Variants in GLP2R observed in about 807,000 individuals in gnomAD.
The protein encoded by GLP2R is glucagon like peptide 2 receptor.
Under a neutral mutation model 68.2 loss-of-function variants are expected in GLP2R, and 59 were observed. The ratio of observed to expected loss-of-function variants is 0.87; its 90% CI spans 0.70 to 1.07. The LOEUF (loss-of-function observed/expected upper bound fraction) is 1.07, where lower values mean the gene tolerates loss of function less well. GLP2R is among the 50% of genes least tolerant of loss of function. The pLI, the probability that GLP2R is intolerant of heterozygous loss-of-function variation, is 0.00. For missense variants in GLP2R, 548 were observed against 677.4 expected (o/e 0.81, Z 2.12); for synonymous variants, 270 against 265.4 (o/e 1.02, Z -0.17).
At chr17:9,871,721 C>CTTTTTTTTTTTTTTTTTTT (rs372099240) in intron 10 of GLP2R, among the ~76,000 whole-genome samples, 1 of 102,312 alleles carries the variant, frequency 9.8e-6, no homozygotes, top group African/African-American at 4.0e-5. Context: ...TACTTTCTTT[C>CTTTTTTTTTTTTTTTTTTT]TTTTTTTTTT....
intron 5 of GLP2R, among the ~76,000 whole-genome samples, chr17:9,856,917 G>A (rs963190203): frequency 3.9e-5 from 6 of 152,090 alleles, no homozygotes; most frequent in Non-Finnish European, 1.5e-5. Flanking sequence ...TGTTTTGTAG[G>A]TGATAGCTAT....
chr17:9,859,899 C>T lies in GLP2R; in HGVS notation c.766-43C>T, dbSNP rs72822175. On this transcript the variant is annotated intron_variant, in intron 6 of 12. Transcript: ENST00000262441. ...TTCTCCCCCGACTCGGGATCAGATG[C>T]AGGGGAGCCTGGACTCACCCTCAGG... The T allele has an allele frequency of 2.9e-4, 412 of 1,396,616 alleles. 1 individual carries two copies. In the Middle Eastern group the frequency reaches 7.4e-3, roughly 25 times the overall value. 86.5% of individuals were successfully genotyped at this position (1,396,616 alleles called of 1,614,324 possible).
Position 9,861,822 on chromosome 17 carries a change from G to A in GLP2R, c.987-199G>A, listed in dbSNP as rs148371310. On this transcript the variant is annotated intron_variant, in intron 8 of 12. Transcript: ENST00000262441. ...GTTACCACTGAAGAGCAATTTAATG[G>A]TAAGGAAAGTAAACTGTACCAGTAC... Among the ~76,000 whole-genome samples, 19 of 152,324 alleles carry A rather than the reference G, an allele frequency of 1.2e-4. No individual in the cohort carries two copies. In the East Asian group the frequency reaches 3.7e-3, roughly 29 times the overall value.
intron 4 of GLP2R, among the ~76,000 whole-genome samples, chr17:9,848,894 T>TGTGTGTGTGC (rs934712218): frequency 6.7e-6 from 1 of 149,196 alleles, no homozygotes; most frequent in African/African-American, 2.5e-5. Context: ...TGTGTGTGTG[T>TGTGTGTGTGC]GCGCTCACAT....
chr17:9,888,077 G>A (rs1273287713), intron 12 of GLP2R, 104 bp downstream of exon 12: 1 of 832,732 alleles, frequency 1.2e-6, no homozygotes, highest in Non-Finnish European at 2.1e-6. Context: ...GGGAGAATGT[G>A]CAGTGACCAG....
intron 10 of GLP2R, among the ~76,000 whole-genome samples, chr17:9,876,555 A>C (rs1233394640): frequency 1.3e-5 from 2 of 152,134 alleles, no homozygotes; most frequent in East Asian, 3.9e-4. Flanking sequence ...AGAAATAAGG[A>C]CGTTCCTTTC....
intron 3 of GLP2R, among the ~76,000 whole-genome samples, chr17:9,837,650 C>T (rs2066745253): frequency 6.6e-6 from 1 of 152,160 alleles, no homozygotes; most frequent in African/African-American, 2.4e-5. Flanking sequence ...AGGAAGTAAA[C>T]ATTACTTAGA....
intron 9 of GLP2R, chr17:9,866,127 G>A (rs1359379430): frequency 8.9e-6 from 3 of 336,342 alleles, no homozygotes; most frequent in Non-Finnish European, 1.7e-5. Context: ...GAAAAGAAAG[G>A]CCATGCAGAA....
At chr17:9,847,484 G>A (rs536580733) in intron 4 of GLP2R, among the ~76,000 whole-genome samples, 2 of 152,146 alleles carry the variant, frequency 1.3e-5, no homozygotes, top group African/African-American at 4.8e-5. Flanking sequence ...TGGCCAGGCT[G>A]GTCTCGAATG....
intron 7 of GLP2R, among the ~76,000 whole-genome samples, chr17:9,860,727 T>C (rs1184013229): frequency 6.6e-6 from 1 of 152,152 alleles, no homozygotes; most frequent in African/African-American, 2.4e-5. Flanking sequence ...ATTTAGTCCA[T>C]AATACCAGGT....
At chr17:9,878,570 C>T (rs887184709) in intron 10 of GLP2R, among the ~76,000 whole-genome samples, 1 of 152,166 alleles carries the variant, frequency 6.6e-6, no homozygotes, top group Admixed American at 6.5e-5. Context: ...AACCACACAG[C>T]CAAGGCCCAT....
At chr17:9,852,963 A>T (rs2066905305) in intron 4 of GLP2R, 1 of 481,350 alleles carries the variant, frequency 2.1e-6, no homozygotes, top group Non-Finnish European at 3.9e-6. Flanking sequence ...CATCTTCCTA[A>T]GTGCTGTCCA....
chr17:9,882,326 T>G (rs184351151), intron 11 of GLP2R, among the ~76,000 whole-genome samples: 4 of 152,312 alleles, frequency 2.6e-5, no homozygotes, highest in Admixed American at 2.0e-4. Flanking sequence ...CCTGAAGTTA[T>G]CATTCTATCT....
chr17:9,843,880 G>A (rs1278075577), intron 4 of GLP2R, among the ~76,000 whole-genome samples: 2 of 151,590 alleles, frequency 1.3e-5, no homozygotes, highest in South Asian at 2.1e-4. Context: ...GGAATAAACA[G>A]GGGATAGCAC....
At chr17:9,841,157 C>T (rs1307877049) in intron 3 of GLP2R, among the ~76,000 whole-genome samples, 5 of 151,398 alleles carry the variant, frequency 3.3e-5, no homozygotes, top group East Asian at 1.9e-4. Flanking sequence ...GCTGGGACTA[C>T]AGGAGCTCGC....
At chr17:9,838,199 G>T (rs570814011) in intron 3 of GLP2R, among the ~76,000 whole-genome samples, 1 of 152,288 alleles carries the variant, frequency 6.6e-6, no homozygotes, top group East Asian at 1.9e-4. Context: ...GTGGAGTCAG[G>T]AGCCCCGAGG....
Position 9,833,886 on chromosome 17 carries a change from A to T in GLP2R, c.269A>T (p.Glu90Val). Residue 90 changes from glutamate to valine, a missense_variant, in exon 2 of 13, where the codon GAA becomes GTA. Physicochemically the swap from Glu to Val is moderately radical, Grantham distance 121. Coordinates refer to ENST00000262441, the MANE Select transcript of GLP2R (RefSeq NM_004246.3). ...KQACLRDLLK[E>V]PSGIFCNGTF... ...GCATGTCTGAGAGACTTACTCAAGG[A>T]ACCTTCTGGTAAGCATGTGTATTAG... 6.2e-7 allele frequency: 1 copy of T among 1,605,922 alleles called. No individual in the cohort carries two copies. Among genetic ancestry groups the T allele is most frequent in the East Asian group, 2.2e-5 (1 of 44,834 alleles).
intron 4 of GLP2R, among the ~76,000 whole-genome samples, chr17:9,849,133 T>G (rs1465504957): frequency 6.6e-6 from 1 of 151,670 alleles, no homozygotes; most frequent in Non-Finnish European, 1.5e-5. Flanking sequence ...TATCCATTGA[T>G]TATATATGAT....
intron 4 of GLP2R, among the ~76,000 whole-genome samples, chr17:9,847,623 C>G (rs1375438850): frequency 6.6e-6 from 1 of 152,100 alleles, no homozygotes; most frequent in African/African-American, 2.4e-5. Flanking sequence ...GAAAATTTGC[C>G]AATCAGTTCT....
Sources: allele counts gnomAD v4.1 joint callset (sites outside exome capture counted in the v4.1 genomes callset), GRCh38; gene constraint gnomAD v4.1.1; transcripts MANE v1.5; gene names NCBI Gene and HGNC (gene_info 2026-07-23, HGNC 2026-07-21).